HMGCLL1: variants seen among roughly 807,000 people sequenced by gnomAD.
HMGCLL1 encodes the protein 3-hydroxymethyl-3-methylglutaryl-CoA lyase, cytoplasmic.
A neutral mutation model predicts 39.1 loss-of-function variants in HMGCLL1; 36 were observed. That is an observed-to-expected ratio of 0.92 (90% CI 0.71 to 1.22). The LOEUF (loss-of-function observed/expected upper bound fraction) is 1.22. Ranked by LOEUF, HMGCLL1 falls within the 50% of genes most tolerant of loss-of-function variation. HMGCLL1 has a pLI of 0.00. For synonymous variants in HMGCLL1, 149 were observed against 144.0 expected, an observed-to-expected ratio of 1.03 and a Z score of -0.25; for missense variants, 451 against 416.5, an observed-to-expected ratio of 1.08 and a Z score of -0.72.
intron 1 of HMGCLL1, among the ~76,000 whole-genome samples, chr6:55,561,862 C>T (rs1045379637): frequency 6.6e-6 from 1 of 151,950 alleles, no homozygotes; most frequent in African/African-American, 2.4e-5. Context: ...AATGATTTAT[C>T]TTTCTTCACT....
intron 5 of HMGCLL1, among the ~76,000 whole-genome samples, chr6:55,500,980 T>C (rs1464333712): frequency 1.3e-5 from 2 of 151,962 alleles, no homozygotes; most frequent in African/African-American, 2.4e-5. Context: ...AAACCTCTCC[T>C]GCATTTTCAA....
At chr6:55,670,908 C>T in the HMGCLL1 span, among the ~76,000 whole-genome samples, 2 of 151,514 alleles carry the variant, frequency 1.3e-5, no homozygotes, top group Non-Finnish European at 3.0e-5. Context: ...CAAAGCATGA[C>T]CCAACCAAAC....
At chr6:55,520,963 C>A (rs1001500719) in intron 3 of HMGCLL1, among the ~76,000 whole-genome samples, 3 of 151,784 alleles carry the variant, frequency 2.0e-5, no homozygotes, top group Non-Finnish European at 2.9e-5. Context: ...ACAATATTTG[C>A]GTAACATTCT....
At chr6:55,657,098 A>G in the HMGCLL1 span, among the ~76,000 whole-genome samples, 1 of 152,018 alleles carries the variant, frequency 6.6e-6, no homozygotes, top group Non-Finnish European at 1.5e-5. Context: ...GCTGGATATT[A>G]TACCTTTGTC....
At chr6:55,585,576 T>C in the HMGCLL1 span, among the ~76,000 whole-genome samples, 1 of 152,128 alleles carries the variant, frequency 6.6e-6, no homozygotes, top group South Asian at 2.1e-4. Flanking sequence ...TATCAAGTAC[T>C]ATTGAATGAG....
chr6:55,477,289 A>T (rs1561904753), intron 7 of HMGCLL1, among the ~76,000 whole-genome samples: 1 of 16,132 alleles, frequency 6.2e-5, no homozygotes, highest in African/African-American at 8.5e-4. Context: ...TATATTATAT[A>T]TAAAATAATA....
At chr6:55,669,115 T>TA in the HMGCLL1 span, among the ~76,000 whole-genome samples, 2,061 of 142,618 alleles carry the variant, frequency 0.014, 52 homozygotes, top group African/African-American at 0.048. Flanking sequence ...AAGGAGGAAT[T>TA]AAAAAAAAAA....
chr6:55,627,921 AATATATATAC>A, the HMGCLL1 span, among the ~76,000 whole-genome samples: 15 of 2,116 alleles, frequency 7.1e-3, 2 homozygotes, highest in African/African-American at 0.016. Flanking sequence ...ATATATATAT[AATATATATAC>A]TATATATATA....
chr6:55,560,600 C>T (rs1239404034), intron 1 of HMGCLL1, among the ~76,000 whole-genome samples: 6 of 152,182 alleles, frequency 3.9e-5, no homozygotes, highest in South Asian at 2.1e-4. Flanking sequence ...TTCATTTAAT[C>T]GCCTCTTAAT....
intron 3 of HMGCLL1, among the ~76,000 whole-genome samples, chr6:55,538,674 A>G (rs1484886074): frequency 6.6e-6 from 1 of 152,160 alleles, no homozygotes; most frequent in East Asian, 1.9e-4. Flanking sequence ...TTGTTCTCTC[A>G]GACTGATTGA....
intron 1 of HMGCLL1, among the ~76,000 whole-genome samples, chr6:55,577,953 C>A (rs1002422319): frequency 2.5e-4 from 38 of 152,030 alleles, no homozygotes. Flanking sequence ...TGCTGAATTC[C>A]AATTTGTAAA....
intron 3 of HMGCLL1, among the ~76,000 whole-genome samples, chr6:55,519,144 G>C (rs1432232217): frequency 2.0e-5 from 3 of 152,108 alleles, no homozygotes; most frequent in Non-Finnish European, 4.4e-5. Context: ...TTATGCTGAA[G>C]GCAATAGAAA....
At chr6:55,672,626 T>C in the HMGCLL1 span, among the ~76,000 whole-genome samples, 5 of 151,880 alleles carry the variant, frequency 3.3e-5, no homozygotes, top group East Asian at 1.9e-4. Context: ...TGCAAATCAC[T>C]TTCACCTAAC....
chr6:55,480,609 T>C (rs1434538504), intron 7 of HMGCLL1, among the ~76,000 whole-genome samples: 13 of 151,588 alleles, frequency 8.6e-5, no homozygotes, highest in Admixed American at 8.6e-4. Flanking sequence ...ACCGTACACA[T>C]AGAGTAGCAA....
chr6:55,678,185 C>A, the HMGCLL1 span, among the ~76,000 whole-genome samples: 2 of 152,072 alleles, frequency 1.3e-5, no homozygotes, highest in African/African-American at 2.4e-5. Flanking sequence ...TGGGTGAGGT[C>A]ATATTAAGTA....
chr6:55,448,566 A>G (rs922935397), intron 7 of HMGCLL1, among the ~76,000 whole-genome samples: 3 of 151,978 alleles, frequency 2.0e-5, no homozygotes, highest in African/African-American at 7.2e-5. Flanking sequence ...TTCTTTTGCC[A>G]GTATCATACC....
At chr6:55,553,307 G>A (rs1453239714) in intron 1 of HMGCLL1, among the ~76,000 whole-genome samples, 1 of 147,960 alleles carries the variant, frequency 6.8e-6, no homozygotes, top group East Asian at 2.0e-4. Context: ...GCATGGTGGT[G>A]CATGCCTGTA....
chr6:55,645,617 A>C, the HMGCLL1 span, among the ~76,000 whole-genome samples: 1 of 151,960 alleles, frequency 6.6e-6, no homozygotes, highest in Non-Finnish European at 1.5e-5. Context: ...AGGGATATTG[A>C]ACTTTATCAA....
At chr6:55,610,503 T>C in the HMGCLL1 span, among the ~76,000 whole-genome samples, 2 of 151,852 alleles carry the variant, frequency 1.3e-5, no homozygotes, top group South Asian at 4.2e-4. Flanking sequence ...TGAAAAGGAA[T>C]GAACAAAGCC....
Sources: allele counts gnomAD v4.1 joint callset (sites outside exome capture counted in the v4.1 genomes callset), GRCh38; gene constraint gnomAD v4.1.1; transcripts MANE v1.5; gene names NCBI Gene and HGNC (gene_info 2026-07-23, HGNC 2026-07-21).